VWA8: variants seen among roughly 807,000 people sequenced by gnomAD.
VWA8 encodes the protein von Willebrand factor A domain-containing protein 8.
VWA8 carries 221 observed loss-of-function variants against 241.5 expected under a neutral mutation model. The observed-to-expected ratio is 0.91, with a 90% CI of 0.82 to 1.02. The LOEUF (loss-of-function observed/expected upper bound fraction) is 1.02, where lower values mean the gene tolerates loss of function less well. Ranked by LOEUF, VWA8 falls within the 50% of genes least tolerant of loss-of-function variation. The probability of loss-of-function intolerance (pLI) is 0.00; values close to 1 mark genes in which losing one functional copy is unlikely to be tolerated. For missense variants in VWA8, 2,322 were observed against 2,328.7 expected, an observed-to-expected ratio of 1.00 and a Z score of 0.06; for synonymous variants, 852 against 827.1, an observed-to-expected ratio of 1.03 and a Z score of -0.52.
chr13:41,939,882 G>A (rs531343659), intron 2 of VWA8, among the ~76,000 whole-genome samples: 2 of 151,990 alleles, frequency 1.3e-5, no homozygotes, highest in African/African-American at 4.8e-5. Context: ...GTGATTCTCC[G>A]TGCTCTAAAC....
chr13:41,721,486 G>C lies in VWA8; in HGVS notation c.2848C>G (p.Pro950Ala), dbSNP rs750610805. ...GCAGCCACAAGCTTCTGAAGGATGGGCTCAGGCACATTTGGTCCATACTGT... is the reference window on the plus strand; with the variant it reads ...GCAGCCACAAGCTTCTGAAGGATGGCCTCAGGCACATTTGGTCCATACTGT... ...LRQYGPNVPE[P>A]ILQKLVAAFG... The change falls in exon 25 of 45, where the codon CCC becomes GCC. Residue 950 changes from proline (P) to alanine (A), a missense_variant. By Grantham distance (27) the Pro-to-Ala change is conservative. Coordinates refer to ENST00000379310, the MANE Select transcript of VWA8 (RefSeq NM_015058.2). 3 of 1,613,904 alleles carry C rather than the reference G, an allele frequency of 1.9e-6. No homozygotes were observed. Among genetic ancestry groups the C allele is most frequent in the Non-Finnish European group, 2.5e-6 (3 of 1,179,858 alleles).
intron 37 of VWA8, among the ~76,000 whole-genome samples, chr13:41,616,464 C>T (rs896537141): frequency 1.3e-5 from 2 of 151,964 alleles, no homozygotes; most frequent in Non-Finnish European, 2.9e-5. Context: ...CTCCTGTTTT[C>T]TTAAACAAGC....
At chr13:41,753,485 T>A (rs940333601) in intron 21 of VWA8, among the ~76,000 whole-genome samples, 6 of 152,156 alleles carry the variant, frequency 3.9e-5, no homozygotes, top group Non-Finnish European at 8.8e-5. Context: ...GTAAATAGAT[T>A]CACTTCACAA....
Position 41,690,260 on chromosome 13 carries a change from A to G in VWA8, c.3882T>C (p.Thr1294=). 1 of 1,606,974 alleles carries G rather than the reference A, an allele frequency of 6.2e-7. No individual in the cohort carries two copies. The highest frequency in any genetic ancestry group is 8.5e-7 in the Non-Finnish European group (1 of 1,177,078). ...ESKTNQKYLL[T]KPAHIESEGS... Reference sequence around the variant, plus strand: ...CCTCAGATTCGATGTGTGCAGGCTTAGTTAAAAGATATTTCCTGCAAACAA... The same window carrying G: ...CCTCAGATTCGATGTGTGCAGGCTTGGTTAAAAGATATTTCCTGCAAACAA... The change falls in exon 33 of 45, where the codon ACT becomes ACC. Residue 1294 remains threonine (T), a synonymous_variant. Transcript: ENST00000379310.
chr13:41,875,221 T>C (rs1441403681), intron 9 of VWA8, among the ~76,000 whole-genome samples: 2 of 152,094 alleles, frequency 1.3e-5, no homozygotes, highest in African/African-American at 4.8e-5. Flanking sequence ...CTAGAAGACT[T>C]ACTATGTCAT....
rs777175836 is a variant in VWA8, at chr13:41,883,438, A to G, written c.1029T>C (p.Tyr343=). The G allele has an allele frequency of 6.2e-7, 1 of 1,613,808 alleles. No homozygotes were observed. The highest frequency in any genetic ancestry group is 8.5e-7 in the Non-Finnish European group (1 of 1,179,784). Residue 343 remains tyrosine (Y), a synonymous_variant, in exon 9 of 45, where the codon TAT becomes TAC. Transcript: ENST00000379310. Reference sequence around the variant, plus strand: ...TCCCTTCATGACCTAGTAAAATACTATATGGATAAAGCCACTGGATTGCAT... The same window carrying G: ...TCCCTTCATGACCTAGTAAAATACTGTATGGATAAAGCCACTGGATTGCAT... ...IKHAIQWLYP[Y]SILLGHEGKM... is the part of the protein sequence containing the mutation.
At chr13:41,957,338 C>T (rs1422987802) in intron 1 of VWA8, among the ~76,000 whole-genome samples, 1 of 152,188 alleles carries the variant, frequency 6.6e-6, no homozygotes, top group Non-Finnish European at 1.5e-5. Context: ...CTTTTCTCCT[C>T]CTTCGCCTTC....
At chr13:41,774,609 A>G (rs1868504135) in intron 20 of VWA8, among the ~76,000 whole-genome samples, 1 of 152,192 alleles carries the variant, frequency 6.6e-6, no homozygotes, top group Non-Finnish European at 1.5e-5. Flanking sequence ...TAAATCCCAA[A>G]AGAAATCTGT....
intron 21 of VWA8, among the ~76,000 whole-genome samples, chr13:41,754,945 T>C (rs2045683534): frequency 6.6e-6 from 1 of 152,128 alleles, no homozygotes; most frequent in African/African-American, 2.4e-5. Context: ...CTCATTCTTT[T>C]TTTTATGGCC....
rs772223346 is a variant in VWA8, at chr13:41,784,737, CAT to C, written c.2171-838_2171-837del. Among the ~76,000 whole-genome samples, 483 of 72,532 alleles carry C rather than the reference CAT, an allele frequency of 6.7e-3. 9 individuals are homozygous for C. The highest frequency in any genetic ancestry group is 0.015 in the African/African-American group (343 of 22,298). 47.6% of individuals were successfully genotyped at this position (72,532 alleles called of 152,430 possible). Reference sequence around the variant, plus strand: ...ATATATATATATATATATACACACACATATATATATATATATATATATATACA... The same window carrying C: ...ATATATATATATATATATACACACACATATATATATATATATATATATACA... On this transcript the variant is annotated intron_variant, in intron 18 of 44. Coordinates refer to ENST00000379310, the MANE Select transcript of VWA8 (RefSeq NM_015058.2).
Position 41,721,529 on chromosome 13 carries a change from C to T in VWA8, c.2805G>A (p.Ser935=), listed in dbSNP as rs376457977. Reference sequence around the variant, plus strand: ...CATACTGTCTGAGCATCTCGAGCTCCGAGTGGGGTTTGGGGTTATCAACTG... The same window carrying T: ...CATACTGTCTGAGCATCTCGAGCTCTGAGTGGGGTTTGGGGTTATCAACTG... ...CHAVDNPKPH[S]ELEMLRQYGP... Residue 935 remains serine, a synonymous_variant, in exon 25 of 45, where the codon TCG becomes TCA. Transcript: ENST00000379310. 18 of 1,613,558 alleles carry T rather than the reference C, an allele frequency of 1.1e-5. No homozygotes were observed. Among genetic ancestry groups the T allele is most frequent in the South Asian group, 7.7e-5 (7 of 91,078 alleles).
In VWA8 at chr13:41,813,535, T is replaced by A. The variant is rs542872475; in HGVS notation, c.1948-2195A>T. Among the ~76,000 whole-genome samples the A allele has an allele frequency of 2.8e-4, 42 of 152,278 alleles. No individual in the cohort carries two copies. In the South Asian group the frequency reaches 8.5e-3, roughly 31 times the overall value. ...TGACAAATGACTCTAACCAGAGGATTCTTATAAGAGTCCTGTTAAACCATA... is the reference window on the plus strand; with the variant it reads ...TGACAAATGACTCTAACCAGAGGATACTTATAAGAGTCCTGTTAAACCATA... On this transcript the variant is annotated intron_variant, in intron 16 of 44. Coordinates refer to ENST00000379310, the MANE Select transcript of VWA8 (RefSeq NM_015058.2).
chr13:41,751,488 G>A (rs1566441799), intron 21 of VWA8, among the ~76,000 whole-genome samples: 1 of 152,116 alleles, frequency 6.6e-6, no homozygotes, highest in Admixed American at 6.5e-5. Flanking sequence ...TTTTCCAGGA[G>A]ACTTCAGAAA....
intron 42 of VWA8, among the ~76,000 whole-genome samples, chr13:41,580,455 T>C (rs1392897726): frequency 6.6e-6 from 1 of 152,242 alleles, no homozygotes; most frequent in Non-Finnish European, 1.5e-5. Flanking sequence ...AACTTCTTGA[T>C]AGAAGAAATT....
chr13:41,689,483 T>A lies in VWA8; in HGVS notation c.4002A>T (p.Lys1334Asn). Residue 1334 changes from lysine to asparagine, a missense_variant, in exon 34 of 45, where the codon AAA becomes AAT. Physicochemically the swap from Lys to Asn is moderately conservative, Grantham distance 94 (BLOSUM62 0). Transcript: ENST00000379310. Reference sequence around the variant, plus strand: ...CAGATGATAGTTGATCACTGGAAATTTTATGAGGTATGCTGAACTCTGTTT... The same window carrying A: ...CAGATGATAGTTGATCACTGGAAATATTATGAGGTATGCTGAACTCTGTTT... The part of the protein sequence containing the change: ...TQETEFSIPH[K>N]ISSDQLSSEH... The A allele has an allele frequency of 1.9e-6, 3 of 1,610,950 alleles. No individual in the cohort carries two copies. The highest frequency in any genetic ancestry group is 2.5e-6 in the Non-Finnish European group (3 of 1,178,724).
At chr13:41,926,168 G>A in intron 2 of VWA8, 1 of 617,922 alleles carries the variant, frequency 1.6e-6, no homozygotes, top group Non-Finnish European at 2.9e-6. Context: ...GGAAAACCAA[G>A]AAGGGTGAGC....
intron 12 of VWA8, among the ~76,000 whole-genome samples, chr13:41,835,588 T>A (rs1871686783): frequency 6.6e-6 from 1 of 152,120 alleles, no homozygotes; most frequent in Admixed American, 6.5e-5. Flanking sequence ...AAAGATTCAT[T>A]CCCACTCATG....
At chr13:41,889,220 A>C (rs1429712490) in intron 5 of VWA8, among the ~76,000 whole-genome samples, 2 of 152,134 alleles carry the variant, frequency 1.3e-5, no homozygotes, top group Non-Finnish European at 2.9e-5. Context: ...TTGTGAAGGG[A>C]TCTTATCTAT....
chr13:41,728,857 C>T (rs965158505), intron 23 of VWA8, among the ~76,000 whole-genome samples: 6 of 151,944 alleles, frequency 3.9e-5, no homozygotes, highest in East Asian at 3.8e-4. Context: ...TTAGTCTCAA[C>T]TTGTTTGGTT....
Sources: allele counts gnomAD v4.1 joint callset (sites outside exome capture counted in the v4.1 genomes callset), GRCh38; gene constraint gnomAD v4.1.1; transcripts MANE v1.5; gene names NCBI Gene and HGNC (gene_info 2026-07-23, HGNC 2026-07-21).